The following NRXN3 variants were observed in gnomAD, a reference collection of about 807,000 sequenced individuals.
NRXN3 encodes the protein neurexin III.
A neutral mutation model predicts 137.6 loss-of-function variants in NRXN3; 32 were observed. The ratio of observed to expected loss-of-function variants is 0.23; its 90% confidence interval spans 0.18 to 0.31. NRXN3 has a LOEUF of 0.31. Ranked by LOEUF, NRXN3 falls within the 10% of genes least tolerant of loss-of-function variation. NRXN3 has a pLI of 1.00. For missense variants in NRXN3, 1,574 were observed against 2,062.5 expected (o/e 0.76, Z 4.59); for synonymous variants, 798 against 784.5 (o/e 1.02, Z -0.29).
intron 15 of NRXN3, among the ~76,000 whole-genome samples, chr14:79,354,089 CTTGTTCTT>C (rs1359338585): frequency 6.6e-6 from 1 of 152,136 alleles, no homozygotes; most frequent in Non-Finnish European, 1.5e-5. Context: ...GTGACACATT[CTTGTTCTT>C]TTAGTGGCTT....
Position 78,984,723 on chromosome 14 carries a change from T to G in NRXN3, c.3143-3299T>G, listed in dbSNP as rs1482406909. The stretch of plus-strand genomic sequence containing the variant: ...TAGGTCTGGGTACAGCCTTAAAGTG[T>G]TTTTCTCATAAGCTTCCAGGAGATG... On this transcript the variant is annotated intron_variant, in intron 14 of 20. Transcript: ENST00000335750. Among the ~76,000 whole-genome samples, 5 of 152,254 alleles carry G rather than the reference T, an allele frequency of 3.3e-5. No homozygotes were observed. In the South Asian group the frequency reaches 6.2e-4, roughly 19 times the overall value.
At chr14:79,820,075 T>C (rs780029586) in intron 20 of NRXN3, among the ~76,000 whole-genome samples, 14 of 152,086 alleles carry the variant, frequency 9.2e-5, no homozygotes, top group Non-Finnish European at 1.8e-4. Context: ...CCCCAAACCT[T>C]GGCTATGGGT....
intron 10 of NRXN3, among the ~76,000 whole-genome samples, chr14:78,840,905 G>A (rs1275195603): frequency 6.6e-6 from 1 of 152,096 alleles, no homozygotes; most frequent in Non-Finnish European, 1.5e-5. Flanking sequence ...CAAAACATGT[G>A]CTAGGTATCA....
chr14:78,861,633 A>T (rs912866128), intron 10 of NRXN3, among the ~76,000 whole-genome samples: 1 of 152,136 alleles, frequency 6.6e-6, no homozygotes, highest in African/African-American at 2.4e-5. Context: ...GACATACATG[A>T]TGCTGTGCTG....
At chr14:79,104,267 C>T (rs11623049) in intron 15 of NRXN3, among the ~76,000 whole-genome samples, 13,947 of 152,238 alleles carry the variant, frequency 0.092, 1,001 homozygotes, top group Admixed American at 0.27. Context: ...CTTCCTCTGG[C>T]ACTCTACATG....
At chr14:78,403,842 T>C in intron 4 of NRXN3, 2 of 985,416 alleles carry the variant, frequency 2.0e-6, no homozygotes, top group Non-Finnish European at 2.4e-6. Flanking sequence ...CACTCTGCAC[T>C]TCCATTCCTG....
At chr14:79,037,690 T>C (rs889839241) in intron 15 of NRXN3, among the ~76,000 whole-genome samples, 2 of 152,010 alleles carry the variant, frequency 1.3e-5, no homozygotes, top group Non-Finnish European at 2.9e-5. Context: ...GAGTGTGTCA[T>C]TTTAAGTTGA....
At chr14:79,618,994 T>G (rs191896790) in intron 16 of NRXN3, among the ~76,000 whole-genome samples, 12 of 152,300 alleles carry the variant, frequency 7.9e-5, no homozygotes, top group Admixed American at 7.9e-4. Flanking sequence ...GTTGGCTGCA[T>G]GTATGTCTTC....
At chr14:78,577,472 A>AT (rs961190930) in intron 4 of NRXN3, among the ~76,000 whole-genome samples, 59 of 150,042 alleles carry the variant, frequency 3.9e-4, no homozygotes, top group African/African-American at 7.8e-4. Context: ...TTATAGGTGA[A>AT]TTTTTTTTTT....
intron 15 of NRXN3, among the ~76,000 whole-genome samples, chr14:79,454,968 TG>T (rs1457495268): frequency 6.6e-6 from 1 of 152,218 alleles, no homozygotes; most frequent in Non-Finnish European, 1.5e-5. Flanking sequence ...TATCAATTTT[TG>T]TAAGTGAAAT....
At chr14:78,950,858 G>A (rs1164104907) in intron 10 of NRXN3, among the ~76,000 whole-genome samples, 2 of 152,140 alleles carry the variant, frequency 1.3e-5, no homozygotes, top group African/African-American at 4.8e-5. Context: ...GTGACTCATA[G>A]GAGAGACACA....
intron 8 of NRXN3, among the ~76,000 whole-genome samples, chr14:78,776,218 T>A (rs897694658): frequency 6.6e-6 from 1 of 152,232 alleles, no homozygotes; most frequent in Non-Finnish European, 1.5e-5. Context: ...ACTGTGCCAA[T>A]TGCCTGCCCT....
intron 16 of NRXN3, among the ~76,000 whole-genome samples, chr14:79,571,471 G>T (rs1289836927): frequency 1.3e-4 from 20 of 152,116 alleles, no homozygotes; most frequent in Admixed American, 1.3e-3. Flanking sequence ...CTGGCAGCTG[G>T]GGGTGATGAG....
At chr14:79,681,025 C>T (rs928940780) in intron 17 of NRXN3, among the ~76,000 whole-genome samples, 1 of 152,292 alleles carries the variant, frequency 6.6e-6, no homozygotes, top group South Asian at 2.1e-4. Flanking sequence ...AATTTTCCTT[C>T]CCTTTCCCAA....
At chr14:79,833,912 T>G (rs964739866) in intron 20 of NRXN3, among the ~76,000 whole-genome samples, 4 of 152,166 alleles carry the variant, frequency 2.6e-5, no homozygotes, top group African/African-American at 9.7e-5. Flanking sequence ...TTCTTTGCAA[T>G]CTGGAGCAAC....
intron 15 of NRXN3, among the ~76,000 whole-genome samples, chr14:79,016,952 G>A (rs959068611): frequency 6.6e-6 from 1 of 152,136 alleles, no homozygotes; most frequent in African/African-American, 2.4e-5. Context: ...AGAGAATGGG[G>A]AAAAGGCTCG....
intron 15 of NRXN3, among the ~76,000 whole-genome samples, chr14:79,405,318 G>A (rs1057298974): frequency 1.3e-5 from 2 of 152,126 alleles, no homozygotes; most frequent in African/African-American, 2.4e-5. Flanking sequence ...TCATCGCTTT[G>A]TTATCAAGTT....
intron 1 of NRXN3, among the ~76,000 whole-genome samples, chr14:78,238,374 G>A (rs1004677843): frequency 1.3e-5 from 2 of 152,192 alleles, no homozygotes; most frequent in African/African-American, 4.8e-5. Context: ...CCACCTGTGT[G>A]CGTGGCTGCC....
chr14:78,176,616 C>A (rs1174577683), intron 1 of NRXN3, among the ~76,000 whole-genome samples: 2 of 152,126 alleles, frequency 1.3e-5, no homozygotes, highest in African/African-American at 4.8e-5. Context: ...CCCTCAAGTA[C>A]AAATGACAAG....
Sources: gnomAD v4.1 joint callset for allele counts (sites outside exome capture counted in the v4.1 genomes callset) on GRCh38, gnomAD v4.1.1 for gene constraint, MANE v1.5 for transcripts, NCBI Gene and HGNC (gene_info 2026-07-23, HGNC 2026-07-21) for gene names.